LHFPL3: variants seen among roughly 807,000 people sequenced by gnomAD.
The protein encoded by LHFPL3 is LHFPL tetraspan subfamily member 3, also known as LHFPL tetraspan subfamily member 3 protein.
LHFPL3 carries 5 observed loss-of-function variants against 19.3 expected under a neutral mutation model. The observed-to-expected ratio is 0.26, with a 90% CI of 0.14 to 0.54. The LOEUF (loss-of-function observed/expected upper bound fraction) is 0.54, where lower values mean the gene tolerates loss of function less well. LHFPL3 is among the 20% of genes least tolerant of loss of function. The pLI is 0.94. For synonymous variants in LHFPL3, 133 were observed against 126.2 expected (o/e 1.05, Z -0.36); for missense variants, 249 against 307.4 (o/e 0.81, Z 1.42).
intron 1 of LHFPL3, among the ~76,000 whole-genome samples, chr7:104,424,377 G>A (rs148092154): frequency 2.0e-5 from 3 of 152,114 alleles, no homozygotes; most frequent in African/African-American, 7.2e-5. Flanking sequence ...CTTCCACCGA[G>A]GTACAGAGGA....
At chr7:104,386,956 C>A (rs1480309067) in intron 1 of LHFPL3, among the ~76,000 whole-genome samples, 1 of 152,072 alleles carries the variant, frequency 6.6e-6, no homozygotes, top group Non-Finnish European at 1.5e-5. Flanking sequence ...CAAAAAATTA[C>A]AAGACACACA....
intron 1 of LHFPL3, among the ~76,000 whole-genome samples, chr7:104,368,367 C>A (rs1432568255): frequency 1.3e-5 from 2 of 152,130 alleles, no homozygotes; most frequent in Non-Finnish European, 2.9e-5. Context: ...AAAAAAGGGA[C>A]CTGAACGGTT....
At chr7:104,337,607 C>G (rs891797044) in intron 1 of LHFPL3, among the ~76,000 whole-genome samples, 2 of 151,886 alleles carry the variant, frequency 1.3e-5, no homozygotes, top group African/African-American at 2.4e-5. Context: ...TAAAATTTGA[C>G]GAAAAGCATT....
intron 1 of LHFPL3, among the ~76,000 whole-genome samples, chr7:104,472,160 G>A (rs1792922227): frequency 6.9e-6 from 1 of 145,566 alleles, no homozygotes. Context: ...CTGGATGACA[G>A]AGTGAGACCC....
At chr7:104,562,577 C>T (rs1407472421) in intron 1 of LHFPL3, among the ~76,000 whole-genome samples, 1 of 151,984 alleles carries the variant, frequency 6.6e-6, no homozygotes, top group East Asian at 1.9e-4. Context: ...TCTAGTTATA[C>T]ATTCTTCTAA....
chr7:104,358,052 G>A (rs1790317675), intron 1 of LHFPL3, among the ~76,000 whole-genome samples: 1 of 152,264 alleles, frequency 6.6e-6, no homozygotes, highest in South Asian at 2.1e-4. Flanking sequence ...AATGGCGGAA[G>A]GGAATCCATC....
chr7:104,697,975 C>T (rs1172295581), intron 1 of LHFPL3, among the ~76,000 whole-genome samples: 14 of 152,110 alleles, frequency 9.2e-5, no homozygotes, highest in Admixed American at 9.2e-4. Context: ...ATTTCTTATT[C>T]CCAGGTTTTC....
intron 1 of LHFPL3, chr7:104,668,517 C>T (rs1792405277): frequency 1.9e-6 from 3 of 1,613,144 alleles, no homozygotes; most frequent in Admixed American, 3.3e-5. Context: ...CTATGATGAC[C>T]GAGGCAGCAG....
chr7:104,665,690 C>T (rs770892816), intron 1 of LHFPL3, among the ~76,000 whole-genome samples: 5 of 152,292 alleles, frequency 3.3e-5, no homozygotes, highest in Admixed American at 2.6e-4. Flanking sequence ...AGCTTAAATG[C>T]GTTTTTTATC....
At chr7:104,869,901 G>A (rs577885299) in intron 2 of LHFPL3, among the ~76,000 whole-genome samples, 2 of 151,780 alleles carry the variant, frequency 1.3e-5, no homozygotes, top group Non-Finnish European at 2.9e-5. Flanking sequence ...CCGTGGAATA[G>A]TATGCAGCCA....
intron 1 of LHFPL3, among the ~76,000 whole-genome samples, chr7:104,473,453 T>A (rs1413701138): frequency 6.6e-6 from 1 of 152,230 alleles, no homozygotes; most frequent in African/African-American, 2.4e-5. Flanking sequence ...TATGCCTTAT[T>A]ATTATAATCT....
intron 2 of LHFPL3, among the ~76,000 whole-genome samples, chr7:104,851,481 CT>C (rs2116614963): frequency 6.6e-6 from 1 of 152,278 alleles, no homozygotes; most frequent in East Asian, 1.9e-4. Flanking sequence ...GATTATGAAA[CT>C]GCTAGGGAAA....
intron 1 of LHFPL3, among the ~76,000 whole-genome samples, chr7:104,367,598 T>C (rs1790520818): frequency 6.6e-6 from 1 of 152,222 alleles, no homozygotes. Context: ...TTGATGACTA[T>C]GGCTAAAAAT....
At position 104,652,938 on chromosome 7, in the gene LHFPL3, T is replaced by C. The variant is rs545675335; in HGVS notation, c.446-83737T>C. ...AAAAATCAGGGAGGGAGGCTATTCATTGTGATTGGCCATCTCAGCTTGTTA... is the reference window on the plus strand; with the variant it reads ...AAAAATCAGGGAGGGAGGCTATTCACTGTGATTGGCCATCTCAGCTTGTTA... On this transcript the variant is annotated intron_variant, in intron 1 of 2. Transcript: ENST00000424859. Among the ~76,000 whole-genome samples, 5 of 152,152 alleles carry C rather than the reference T, an allele frequency of 3.3e-5. No homozygotes were observed. The East Asian group carries it at 9.6e-4, about 29-fold the overall frequency.
At chr7:104,735,522 C>T (rs4355712) in intron 1 of LHFPL3, among the ~76,000 whole-genome samples, 22,275 of 152,180 alleles carry the variant, frequency 0.15, 2,474 homozygotes, top group East Asian at 0.62. Flanking sequence ...GAGCCAGTTG[C>T]GGGATCTGAT....
At chr7:104,492,175 A>G (rs1472175331) in intron 1 of LHFPL3, among the ~76,000 whole-genome samples, 2 of 152,246 alleles carry the variant, frequency 1.3e-5, no homozygotes, top group Non-Finnish European at 2.9e-5. Flanking sequence ...CTTGCGTAAC[A>G]ATGCTATTAT....
intron 1 of LHFPL3, among the ~76,000 whole-genome samples, chr7:104,626,258 G>A (rs1205580619): frequency 2.0e-5 from 3 of 152,130 alleles, no homozygotes; most frequent in African/African-American, 7.2e-5. Flanking sequence ...ACACTCCATG[G>A]CAGGGCTGTG....
chr7:104,601,938 G>A (rs764627043), intron 1 of LHFPL3, among the ~76,000 whole-genome samples: 1 of 151,584 alleles, frequency 6.6e-6, no homozygotes, highest in African/African-American at 2.4e-5. Context: ...ATCACATGAC[G>A]GTTTGATGGT....
chr7:104,816,351 T>C (rs555710229), intron 2 of LHFPL3, among the ~76,000 whole-genome samples: 78 of 152,352 alleles, frequency 5.1e-4, no homozygotes, highest in African/African-American at 1.9e-3. Context: ...GATTTGAGGC[T>C]CTGCACTAAG....
Sources: gnomAD v4.1 joint callset for allele counts (sites outside exome capture counted in the v4.1 genomes callset) on GRCh38, gnomAD v4.1.1 for gene constraint, MANE v1.5 for transcripts, NCBI Gene and HGNC (gene_info 2026-07-23, HGNC 2026-07-21) for gene names.